The following BNC2 variants were observed in gnomAD, a reference collection of about 807,000 sequenced individuals.
BNC2 encodes zinc finger protein basonuclin-2.
BNC2 carries 20 observed loss-of-function variants against 76.3 expected under a neutral mutation model. The ratio of observed to expected loss-of-function variants is 0.26; its 90% CI spans 0.18 to 0.38. The LOEUF is 0.38. Ranked by LOEUF, BNC2 falls within the 10% of genes least tolerant of loss-of-function variation. The pLI is 1.00. For synonymous variants in BNC2, 582 were observed against 514.8 expected (o/e 1.13, Z -1.77); for missense variants, 1,382 against 1,399.8 (o/e 0.99, Z 0.20).
intron 5 of BNC2, among the ~76,000 whole-genome samples, chr9:16,458,918 G>A (rs996035438): frequency 6.6e-5 from 10 of 152,178 alleles, no homozygotes; most frequent in African/African-American, 1.4e-4. Context: ...GCAAATACAT[G>A]CACCGTCCTT....
intron 4 of BNC2, among the ~76,000 whole-genome samples, chr9:16,570,853 C>T (rs990241560): frequency 6.6e-6 from 1 of 152,004 alleles, no homozygotes; most frequent in Admixed American, 6.6e-5. Flanking sequence ...TTTAATGGAG[C>T]GCAAACTTTC....
At chr9:16,468,006 C>G (rs1355466871) in intron 5 of BNC2, among the ~76,000 whole-genome samples, 1 of 151,272 alleles carries the variant, frequency 6.6e-6, no homozygotes, top group Non-Finnish European at 1.5e-5. Context: ...TTACTGTGTT[C>G]CTGAAAAACT....
At chr9:16,514,285 T>C (rs1474778829) in intron 5 of BNC2, among the ~76,000 whole-genome samples, 1 of 152,168 alleles carries the variant, frequency 6.6e-6, no homozygotes, top group African/African-American at 2.4e-5. Context: ...GTTCCTTCTG[T>C]GCAAAGAATA....
intron 1 of BNC2, chr9:16,867,282 G>C (rs529542041): frequency 1.4e-4 from 22 of 152,172 alleles, no homozygotes; most frequent in African/African-American, 4.3e-4. Context: ...GATGCTAATA[G>C]TATAGAAAAC....
At chr9:16,515,735 A>T (rs1159857600) in intron 5 of BNC2, among the ~76,000 whole-genome samples, 4 of 150,176 alleles carry the variant, frequency 2.7e-5, no homozygotes, top group South Asian at 4.3e-4. Context: ...AAAAAAATTT[A>T]AAAAAAACCT....
chr9:16,679,991 T>A (rs1035931806), intron 3 of BNC2, among the ~76,000 whole-genome samples: 1 of 152,230 alleles, frequency 6.6e-6, no homozygotes, highest in African/African-American at 2.4e-5. Flanking sequence ...TAATTTTGTT[T>A]CGCATAGGGG....
chr9:16,448,682 T>C lies in BNC2; in HGVS notation c.670-11158A>G, dbSNP rs188392549. 6.4e-3 allele frequency among the ~76,000 whole-genome samples: 970 copies of C among 152,252 alleles called. 10 individuals are homozygous for C. The highest frequency in any genetic ancestry group is 0.011 in the Non-Finnish European group (744 of 68,002). On this transcript the variant is annotated intron_variant, in intron 5 of 6. Transcript: ENST00000380672. The stretch of plus-strand genomic sequence containing the variant: ...TCCATAAAACACACTGAGGACTGAG[T>C]GTGTGACTGAACAGAAAGATGTATT...
chr9:16,431,368 A>G (rs1820904384), intron 6 of BNC2: 1 of 430,392 alleles, frequency 2.3e-6, no homozygotes, highest in Non-Finnish European at 5.0e-6. Context: ...ATCAAGTCAG[A>G]GTATGAGAAA....
At chr9:16,477,232 G>A (rs533460970) in intron 5 of BNC2, among the ~76,000 whole-genome samples, 57 of 152,286 alleles carry the variant, frequency 3.7e-4, no homozygotes, top group African/African-American at 8.2e-4. Flanking sequence ...GCCCTCCAGC[G>A]TGGGTGACAG....
chr9:16,758,700 A>G (rs75599644), intron 1 of BNC2, among the ~76,000 whole-genome samples: 148 of 152,302 alleles, frequency 9.7e-4, no homozygotes, highest in Admixed American at 1.8e-3. Context: ...GGTGGCCATT[A>G]TTCTATTGAC....
At chr9:16,487,521 A>C (rs550956443) in intron 5 of BNC2, among the ~76,000 whole-genome samples, 1 of 152,354 alleles carries the variant, frequency 6.6e-6, no homozygotes, top group South Asian at 2.1e-4. Context: ...AGAGAACATT[A>C]AATCTTTATT....
At chr9:16,636,381 C>A (rs924995662) in intron 3 of BNC2, among the ~76,000 whole-genome samples, 3 of 152,084 alleles carry the variant, frequency 2.0e-5, no homozygotes, top group African/African-American at 2.4e-5. Context: ...CAGCTCACTG[C>A]AGCTTCAAAC....
At chr9:16,843,750 AAGG>A (rs1408380343) in intron 1 of BNC2, among the ~76,000 whole-genome samples, 1 of 152,220 alleles carries the variant, frequency 6.6e-6, no homozygotes, top group Non-Finnish European at 1.5e-5. Context: ...ATGTGTGTGG[AAGG>A]AGAAGAGGTT....
chr9:16,794,846 C>T (rs1325759541), intron 1 of BNC2, among the ~76,000 whole-genome samples: 2 of 152,036 alleles, frequency 1.3e-5, no homozygotes, highest in Non-Finnish European at 2.9e-5. Flanking sequence ...CACAATTTTC[C>T]CCTTCCTCAA....
intron 3 of BNC2, among the ~76,000 whole-genome samples, chr9:16,627,292 G>T (rs937286908): frequency 6.6e-6 from 1 of 152,180 alleles, no homozygotes. Flanking sequence ...CAGGCTATGG[G>T]AGTGGGGACA....
chr9:16,435,439 A>G, intron 6 of BNC2, 116 bp downstream of exon 6: 2 of 1,264,762 alleles, frequency 1.6e-6, no homozygotes, highest in Non-Finnish European at 2.3e-6. Flanking sequence ...ACTGTGGACA[A>G]TCTTTACAGT....
chr9:16,833,327 G>C (rs1818627466), intron 1 of BNC2, among the ~76,000 whole-genome samples: 1 of 152,068 alleles, frequency 6.6e-6, no homozygotes, highest in African/African-American at 2.4e-5. Flanking sequence ...GTCCCTGTAA[G>C]CATTTTACCA....
intron 3 of BNC2, among the ~76,000 whole-genome samples, chr9:16,655,368 G>C (rs182569150): frequency 1.3e-5 from 2 of 152,092 alleles, no homozygotes; most frequent in African/African-American, 4.8e-5. Flanking sequence ...AGATTACTTG[G>C]AATTTGCCCC....
intron 1 of BNC2, among the ~76,000 whole-genome samples, chr9:16,866,568 G>A (rs1404543467): frequency 1.3e-5 from 2 of 149,072 alleles, no homozygotes; most frequent in East Asian, 4.0e-4. Context: ...GTTGCATTTT[G>A]CCTGATCTTC....
Sources: gnomAD v4.1 joint callset for allele counts (sites outside exome capture counted in the v4.1 genomes callset) on GRCh38, gnomAD v4.1.1 for gene constraint, MANE v1.5 for transcripts, NCBI Gene and HGNC (gene_info 2026-07-23, HGNC 2026-07-21) for gene names.